The following BICD1 variants were observed in gnomAD, a reference collection of about 807,000 sequenced individuals.
The protein encoded by BICD1 is BICD cargo adaptor 1, also known as protein bicaudal D homolog 1.
Under a neutral mutation model 92.5 loss-of-function variants are expected in BICD1, and 35 were observed. The ratio of observed to expected loss-of-function variants is 0.38; its 90% CI spans 0.29 to 0.50. The LOEUF (loss-of-function observed/expected upper bound fraction) is 0.50, where lower values mean the gene tolerates loss of function less well. Ranked by LOEUF, BICD1 falls within the 20% of genes least tolerant of loss-of-function variation. The pLI is 0.93. For synonymous variants in BICD1, 429 were observed against 465.1 expected (o/e 0.92, Z 1.00); for missense variants, 950 against 1,189.8 (o/e 0.80, Z 2.97).
chr12:32,233,421 C>T (rs1945957028), intron 2 of BICD1, among the ~76,000 whole-genome samples: 1 of 151,188 alleles, frequency 6.6e-6, no homozygotes, highest in Non-Finnish European at 1.5e-5. Flanking sequence ...TAAAAATAAG[C>T]AGTGGAAAGC....
At chr12:32,131,707 A>G (rs146708247) in intron 1 of BICD1, among the ~76,000 whole-genome samples, 1,721 of 152,372 alleles carry the variant, frequency 0.011, 25 homozygotes, top group Non-Finnish European at 0.017. Flanking sequence ...GAAGATTTAA[A>G]AAAATTCCTG....
chr12:32,253,731 C>T (rs1218348094), intron 2 of BICD1, among the ~76,000 whole-genome samples: 1 of 152,196 alleles, frequency 6.6e-6, no homozygotes, highest in African/African-American at 2.4e-5. Context: ...AACTGCAATA[C>T]AAGCTCTTGT....
At chr12:32,335,092 C>T (rs1419483265) in intron 6 of BICD1, among the ~76,000 whole-genome samples, 1 of 151,986 alleles carries the variant, frequency 6.6e-6, no homozygotes, top group African/African-American at 2.4e-5. Context: ...ACCTTTAGTA[C>T]TGTGCGAGAA....
In BICD1 at chr12:32,339,537, C is replaced by T. The variant is rs368535648; in HGVS notation, c.2764+558C>T. 6 of 985,286 alleles carry T rather than the reference C, an allele frequency of 6.1e-6. No homozygotes were observed. The South Asian group carries it at 1.4e-4, about 23-fold the overall frequency. The allele number at this position is 985,286 out of a possible 1,614,324, so 61.0% of individuals were successfully genotyped here. A position where few individuals can be genotyped will look rare whatever the true frequency, so the allele number is the denominator to read the frequency against. ...ATTGCAGGCCCCCCACTGGTTAATG[C>T]TTACCAACATGTTCACACTTAGCTT... On this transcript the variant is annotated intron_variant, in intron 8 of 9. Transcript: ENST00000652176.
chr12:32,338,739 A>G (rs140427697), intron 7 of BICD1, 47 bp from the exon 8 acceptor site: 16,460 of 1,495,752 alleles, frequency 0.011, 172 homozygotes, highest in Non-Finnish European at 0.011. Flanking sequence ...TAATTAAAGT[A>G]AAACTTTTTT....
At chr12:32,191,210 A>T (rs1944555695) in intron 1 of BICD1, among the ~76,000 whole-genome samples, 1 of 152,196 alleles carries the variant, frequency 6.6e-6, no homozygotes, top group African/African-American at 2.4e-5. Context: ...AGTCAGCAGA[A>T]GGAGACAAAG....
chr12:32,283,506 T>C (rs751369708), intron 2 of BICD1, among the ~76,000 whole-genome samples: 3 of 152,180 alleles, frequency 2.0e-5, no homozygotes, highest in Non-Finnish European at 2.9e-5. Flanking sequence ...TTAGGTTTTA[T>C]GACCAAAAGA....
At chr12:32,198,972 C>T (rs1565581996) in intron 1 of BICD1, among the ~76,000 whole-genome samples, 1 of 152,052 alleles carries the variant, frequency 6.6e-6, no homozygotes, top group East Asian at 1.9e-4. Context: ...ATTCCATTTT[C>T]CTCTGTTAAT....
chr12:32,323,249 T>C (rs1281135481), intron 4 of BICD1, among the ~76,000 whole-genome samples: 1 of 152,244 alleles, frequency 6.6e-6, no homozygotes, highest in East Asian at 1.9e-4. Flanking sequence ...ATTTCCTGAC[T>C]CTAAAATGAA....
intron 2 of BICD1, among the ~76,000 whole-genome samples, chr12:32,225,823 TG>T (rs1945672920): frequency 6.6e-6 from 1 of 151,996 alleles, no homozygotes; most frequent in Non-Finnish European, 1.5e-5. Context: ...GGTTTCGCCA[TG>T]TTGACCAGGC....
Position 32,213,875 on chromosome 12 carries a change from C to A in BICD1, c.214-2372C>A, listed in dbSNP as rs1268042383. ...AGATGCTTTAAGACTCTGCAAACAT[C>A]CTGTTTCTCATCATACTTTTGCCCA... On this transcript the variant is annotated intron_variant, in intron 1 of 9. Transcript: ENST00000652176. 5.9e-5 allele frequency among the ~76,000 whole-genome samples: 9 copies of A among 152,158 alleles called. No homozygotes were observed. In the East Asian group the frequency reaches 1.7e-3, roughly 29 times the overall value.
At chr12:32,177,537 C>T (rs1436643477) in intron 1 of BICD1, among the ~76,000 whole-genome samples, 3 of 148,350 alleles carry the variant, frequency 2.0e-5, no homozygotes, top group East Asian at 2.0e-4. Flanking sequence ...TGTATATGTT[C>T]GCGATTCTAT....
chr12:32,335,440 G>A (rs1423896092), intron 6 of BICD1, among the ~76,000 whole-genome samples: 1 of 151,572 alleles, frequency 6.6e-6, no homozygotes, highest in Non-Finnish European at 1.5e-5. Context: ...GTGAGCCACC[G>A]CGCCCGGCTG....
At chr12:32,317,845 G>A (rs1234536072) in intron 4 of BICD1, among the ~76,000 whole-genome samples, 1 of 151,808 alleles carries the variant, frequency 6.6e-6, no homozygotes. Flanking sequence ...ATGGTTTTAG[G>A]TCTAACATTT....
chr12:32,199,772 C>T (rs892014658), intron 1 of BICD1, among the ~76,000 whole-genome samples: 5 of 152,084 alleles, frequency 3.3e-5, no homozygotes, highest in African/African-American at 1.2e-4. Context: ...GCTTAAATCA[C>T]GGAGGTTTGG....
At chr12:32,364,204 TGGCCAAACAACAGCAATGGC>T (rs1939442726) in intron 8 of BICD1, among the ~76,000 whole-genome samples, 1 of 152,250 alleles carries the variant, frequency 6.6e-6, no homozygotes, top group Admixed American at 6.5e-5. Flanking sequence ...CAAACCCTGG[TGGCCAAACAACAGCAATGGC>T]TTTGTGGGTT....
At chr12:32,348,735 T>C (rs1476642968) in intron 8 of BICD1, among the ~76,000 whole-genome samples, 1 of 5,058 alleles carries the variant, frequency 2.0e-4, no homozygotes, top group African/African-American at 2.0e-3. Context: ...TATATATATA[T>C]ATATATATAT....
intron 1 of BICD1, among the ~76,000 whole-genome samples, chr12:32,167,783 C>T (rs963791671): frequency 2.0e-5 from 3 of 152,124 alleles, no homozygotes; most frequent in Non-Finnish European, 2.9e-5. Flanking sequence ...AGGGATTTCC[C>T]TATTGCTGGG....
intron 1 of BICD1, among the ~76,000 whole-genome samples, chr12:32,116,160 G>A (rs1277416294): frequency 8.4e-6 from 1 of 119,096 alleles, no homozygotes; most frequent in African/African-American, 3.0e-5. Flanking sequence ...AATACATAAT[G>A]TCTATGATTT....
Sources: gnomAD v4.1 joint callset for allele counts (sites outside exome capture counted in the v4.1 genomes callset) on GRCh38, gnomAD v4.1.1 for gene constraint, MANE v1.5 for transcripts, NCBI Gene and HGNC (gene_info 2026-07-23, HGNC 2026-07-21) for gene names.